The following GALNT13 variants were observed in gnomAD, a reference collection of about 807,000 sequenced individuals.
GALNT13 encodes the protein polypeptide N-acetylgalactosaminyltransferase 13, also known as UDP-GalNAc:polypeptide N-acetylgalactosaminyltransferase 13.
Under a neutral mutation model 64.2 loss-of-function variants are expected in GALNT13, and 28 were observed. That is an observed-to-expected ratio of 0.44 (90% confidence interval 0.32 to 0.60). GALNT13 has a LOEUF of 0.60. Ranked by LOEUF, GALNT13 falls within the 20% of genes least tolerant of loss-of-function variation. GALNT13 has a pLI of 0.05. For missense variants in GALNT13, 577 were observed against 669.8 expected (o/e 0.86, Z 1.53); for synonymous variants, 214 against 224.6 (o/e 0.95, Z 0.42).
the GALNT13 span, among the ~76,000 whole-genome samples, chr2:153,702,114 A>G: frequency 6.6e-6 from 1 of 152,216 alleles, no homozygotes; most frequent in African/African-American, 2.4e-5. Flanking sequence ...AATAAAGAAA[A>G]TATGGTACAT....
At chr2:153,886,102 G>A (rs1348495747) in intron 1 of GALNT13, among the ~76,000 whole-genome samples, 4 of 150,150 alleles carry the variant, frequency 2.7e-5, no homozygotes, top group Non-Finnish European at 5.9e-5. Context: ...GTGGAAAACT[G>A]AGAAAAAATA....
intron 1 of GALNT13, among the ~76,000 whole-genome samples, chr2:153,886,037 G>A (rs1388775669): frequency 6.6e-6 from 1 of 151,832 alleles, no homozygotes; most frequent in African/African-American, 2.4e-5. Context: ...GAGAAATGAG[G>A]AAGTTTCCAA....
the GALNT13 span, among the ~76,000 whole-genome samples, chr2:153,766,335 G>A: frequency 2.0e-5 from 3 of 151,978 alleles, no homozygotes; most frequent in East Asian, 3.9e-4. Flanking sequence ...ATGTCCCATG[G>A]CAATCTCTTC....
chr2:153,635,407 T>TATATACACATATATATGTATAG, the GALNT13 span, among the ~76,000 whole-genome samples: 1 of 147,470 alleles, frequency 6.8e-6, no homozygotes, highest in Non-Finnish European at 1.5e-5. Flanking sequence ...TGTATATATA[T>TATATACACATATATATGTATAG]ATATATATAC....
At chr2:153,337,184 A>G in the GALNT13 span, among the ~76,000 whole-genome samples, 1 of 152,158 alleles carries the variant, frequency 6.6e-6, no homozygotes, top group Admixed American at 6.5e-5. Context: ...TTTGATTGAG[A>G]CAAGGTAGGC....
chr2:153,656,337 TG>T, the GALNT13 span, among the ~76,000 whole-genome samples: 1 of 150,020 alleles, frequency 6.7e-6, no homozygotes, highest in African/African-American at 2.5e-5. Flanking sequence ...TGTGTGTGTG[TG>T]TGCGCGCGCA....
At chr2:154,442,894 C>G (rs1701373251) in intron 12 of GALNT13, among the ~76,000 whole-genome samples, 1 of 152,056 alleles carries the variant, frequency 6.6e-6, no homozygotes. Flanking sequence ...AGCAAGTTGA[C>G]TTAGAAAATA....
At chr2:153,070,991 T>A in the GALNT13 span, among the ~76,000 whole-genome samples, 1 of 152,174 alleles carries the variant, frequency 6.6e-6, no homozygotes, top group African/African-American at 2.4e-5. Flanking sequence ...AAATTATTAT[T>A]TTTTTATTTA....
the GALNT13 span, among the ~76,000 whole-genome samples, chr2:153,388,414 C>G: frequency 2.6e-4 from 40 of 152,132 alleles, no homozygotes; most frequent in African/African-American, 9.4e-4. Context: ...CTTCCCTCAG[C>G]TCTAAGGCAG....
the GALNT13 span, among the ~76,000 whole-genome samples, chr2:153,138,593 A>G: frequency 6.6e-6 from 1 of 152,108 alleles, no homozygotes; most frequent in Admixed American, 6.6e-5. Context: ...AGAAAACACC[A>G]AAAGCATCTA....
the GALNT13 span, among the ~76,000 whole-genome samples, chr2:153,566,348 GTTTTTTT>G: frequency 0.36 from 27,066 of 74,460 alleles, 2,071 homozygotes; most frequent in South Asian, 0.43. Context: ...TTCTAATCAC[GTTTTTTT>G]TTTTTTTTTT....
the GALNT13 span, among the ~76,000 whole-genome samples, chr2:153,472,591 T>G: frequency 7.9e-5 from 12 of 152,216 alleles, no homozygotes; most frequent in South Asian, 2.5e-3. Flanking sequence ...TGGAAACCAG[T>G]TTTAAAATGG....
At chr2:153,991,675 G>C (rs1427240638) in intron 3 of GALNT13, among the ~76,000 whole-genome samples, 1 of 152,166 alleles carries the variant, frequency 6.6e-6, no homozygotes, top group Non-Finnish European at 1.5e-5. Context: ...TAATTACACT[G>C]TATTTTGTTA....
intron 4 of GALNT13, among the ~76,000 whole-genome samples, chr2:154,187,393 CACACA>C (rs1686314387): frequency 6.6e-6 from 1 of 151,172 alleles, no homozygotes; most frequent in African/African-American, 2.4e-5. Context: ...CACACACACA[CACACA>C]CACACACACA....
chr2:153,337,886 C>G, the GALNT13 span: 5 of 152,012 alleles, frequency 3.3e-5, no homozygotes, highest in Non-Finnish European at 5.9e-5. Flanking sequence ...TTAAAGTAGT[C>G]TAAATAATAC....
chr2:153,075,787 G>T, the GALNT13 span, among the ~76,000 whole-genome samples: 1 of 151,938 alleles, frequency 6.6e-6, no homozygotes, highest in Non-Finnish European at 1.5e-5. Context: ...AAAATATTTT[G>T]CAGTCTATCC....
At chr2:154,442,725 G>A (rs558975082) in intron 12 of GALNT13, among the ~76,000 whole-genome samples, 11 of 152,010 alleles carry the variant, frequency 7.2e-5, no homozygotes, top group African/African-American at 2.7e-4. Flanking sequence ...CCTATGATAT[G>A]TGCACATAAT....
intron 3 of GALNT13, among the ~76,000 whole-genome samples, chr2:153,993,137 G>A (rs929923862): frequency 2.0e-5 from 3 of 152,026 alleles, no homozygotes; most frequent in African/African-American, 4.8e-5. Context: ...TACCAAGTAT[G>A]TGAAGTCAAT....
chr2:153,317,441 G>T, the GALNT13 span, among the ~76,000 whole-genome samples: 1 of 152,078 alleles, frequency 6.6e-6, no homozygotes, highest in Non-Finnish European at 1.5e-5. Flanking sequence ...CAAGTAAACT[G>T]TAATTCTTTG....
Sources: allele counts gnomAD v4.1 joint callset (sites outside exome capture counted in the v4.1 genomes callset), GRCh38; gene constraint gnomAD v4.1.1; transcripts MANE v1.5; gene names NCBI Gene and HGNC (gene_info 2026-07-23, HGNC 2026-07-21).